The following AUTS2 variants were observed in gnomAD, a reference collection of about 807,000 sequenced individuals.
The protein encoded by AUTS2 is autism susceptibility gene 2 protein.
In AUTS2, 17 loss-of-function variants were observed where a neutral mutation model predicts 112.4. That is an observed-to-expected ratio of 0.15 (90% CI 0.10 to 0.23). The LOEUF is 0.23. Ranked by LOEUF, AUTS2 falls within the 10% of genes least tolerant of loss-of-function variation. AUTS2 has a pLI of 1.00. For synonymous variants in AUTS2, 751 were observed against 702.7 expected (o/e 1.07, Z -1.09); for missense variants, 1,510 against 1,701.6 (o/e 0.89, Z 1.98).
chr7:70,182,340 T>G (rs149343105), intron 4 of AUTS2, among the ~76,000 whole-genome samples: 206 of 152,330 alleles, frequency 1.4e-3, no homozygotes, highest in African/African-American at 4.4e-3. Flanking sequence ...TGTTTTGAAC[T>G]TTATCCAGGA....
chr7:70,481,159 A>C (rs574206315), intron 5 of AUTS2, among the ~76,000 whole-genome samples: 44 of 152,306 alleles, frequency 2.9e-4, no homozygotes, highest in Middle Eastern at 3.4e-3. Context: ...AAAGCAGTTA[A>C]ACTGGTTCAG....
chr7:70,446,220 G>A (rs1192731344), intron 5 of AUTS2, among the ~76,000 whole-genome samples: 4 of 152,232 alleles, frequency 2.6e-5, no homozygotes, highest in Non-Finnish European at 5.9e-5. Context: ...TGCTGCGTGG[G>A]CTGTTCCTGC....
At chr7:70,404,616 C>G (rs1347893573) in intron 4 of AUTS2, among the ~76,000 whole-genome samples, 1 of 152,178 alleles carries the variant, frequency 6.6e-6, no homozygotes, top group Non-Finnish European at 1.5e-5. Flanking sequence ...AGTTACTTGG[C>G]TTTGCTACCC....
intron 1 of AUTS2, among the ~76,000 whole-genome samples, chr7:69,868,617 G>A (rs1793343786): frequency 6.6e-6 from 1 of 152,152 alleles, no homozygotes; most frequent in South Asian, 2.1e-4. Context: ...TGCAATATTT[G>A]TTCCATGCTT....
chr7:69,814,607 A>T (rs1790679396), intron 1 of AUTS2, among the ~76,000 whole-genome samples: 1 of 152,096 alleles, frequency 6.6e-6, no homozygotes. Flanking sequence ...ACTGAATAGG[A>T]CTCCAAAGAA....
intron 2 of AUTS2, among the ~76,000 whole-genome samples, chr7:70,115,480 G>A (rs1584744523): frequency 6.6e-6 from 1 of 152,168 alleles, no homozygotes; most frequent in Non-Finnish European, 1.5e-5. Context: ...CAGCCATAAA[G>A]GTGTTGATCA....
intron 2 of AUTS2, among the ~76,000 whole-genome samples, chr7:70,106,824 C>T (rs1584731398): frequency 6.6e-6 from 1 of 151,998 alleles, no homozygotes; most frequent in Non-Finnish European, 1.5e-5. Context: ...ATTGTTAGTA[C>T]ACATTTTAAA....
At chr7:70,121,348 C>T (rs1226550195) in intron 3 of AUTS2, among the ~76,000 whole-genome samples, 2 of 151,946 alleles carry the variant, frequency 1.3e-5, no homozygotes, top group African/African-American at 4.8e-5. Flanking sequence ...ATAAATTGGA[C>T]TTCATCAAAA....
intron 6 of AUTS2, among the ~76,000 whole-genome samples, chr7:70,732,595 C>T (rs1216877226): frequency 6.6e-6 from 1 of 152,114 alleles, no homozygotes; most frequent in African/African-American, 2.4e-5. Context: ...TTCTCCTTAT[C>T]GTTTTGACTC....
intron 4 of AUTS2, among the ~76,000 whole-genome samples, chr7:70,156,889 A>G (rs1353079446): frequency 1.1e-5 from 1 of 92,584 alleles, no homozygotes; most frequent in Non-Finnish European, 2.1e-5. Context: ...CTCTACTAAA[A>G]GTAAAAAAAA....
intron 2 of AUTS2, among the ~76,000 whole-genome samples, chr7:69,921,187 C>T (rs906049604): frequency 6.6e-6 from 1 of 152,086 alleles, no homozygotes; most frequent in Non-Finnish European, 1.5e-5. Flanking sequence ...TTTTTCCTGA[C>T]TTTCTTGTTG....
At chr7:70,689,201 T>A (rs945534931) in intron 5 of AUTS2, among the ~76,000 whole-genome samples, 1 of 151,270 alleles carries the variant, frequency 6.6e-6, no homozygotes, top group African/African-American at 2.4e-5. Flanking sequence ...TAGAAAAAAA[T>A]TTTTAAAAAA....
chr7:70,546,458 A>C (rs1036796406), intron 5 of AUTS2, among the ~76,000 whole-genome samples: 2 of 150,672 alleles, frequency 1.3e-5, no homozygotes, highest in South Asian at 2.1e-4. Flanking sequence ...CAAATCAAAA[A>C]ATTTAATATA....
At chr7:70,785,138 ATTTAGGCAGGAGATGGTGCTCT>A in intron 16 of AUTS2, 119 bp downstream of exon 16, 1 of 1,020,544 alleles carries the variant, frequency 9.8e-7, no homozygotes, top group Middle Eastern at 2.9e-4. Flanking sequence ...CCTGCTTACC[ATTTAGGCAGGAGATGGTGCTCT>A]CTTAGGAGTT....
intron 1 of AUTS2, among the ~76,000 whole-genome samples, chr7:69,713,909 A>G (rs1798455026): frequency 6.6e-6 from 1 of 152,164 alleles, no homozygotes; most frequent in South Asian, 2.1e-4. Flanking sequence ...AAGTCCCAAT[A>G]CCAGTTTGTT....
chr7:69,722,801 G>A (rs746753607), intron 1 of AUTS2, among the ~76,000 whole-genome samples: 17 of 151,470 alleles, frequency 1.1e-4, no homozygotes, highest in Admixed American at 2.6e-4. Flanking sequence ...GAAATATTGG[G>A]TAATATCAGG....
intron 2 of AUTS2, among the ~76,000 whole-genome samples, chr7:70,040,026 A>G (rs1288737391): frequency 1.3e-5 from 2 of 152,182 alleles, no homozygotes; most frequent in Non-Finnish European, 2.9e-5. Flanking sequence ...AGACAAAATT[A>G]TGGAGACAGA....
chr7:70,778,183 C>T (rs1281444900), intron 14 of AUTS2, among the ~76,000 whole-genome samples: 2 of 152,174 alleles, frequency 1.3e-5, no homozygotes, highest in African/African-American at 2.4e-5. Context: ...TCCCTGGATA[C>T]AGCATCAGCG....
chr7:70,026,064 G>A (rs1313939310), intron 2 of AUTS2, among the ~76,000 whole-genome samples: 4 of 152,178 alleles, frequency 2.6e-5, no homozygotes, highest in Non-Finnish European at 5.9e-5. Context: ...ACCCCTTAAT[G>A]TGCTGGCTCA....
Sources: allele counts gnomAD v4.1 joint callset (sites outside exome capture counted in the v4.1 genomes callset), GRCh38; gene constraint gnomAD v4.1.1; transcripts MANE v1.5; gene names NCBI Gene and HGNC (gene_info 2026-07-23, HGNC 2026-07-21).